The following GABRA1 variants were observed in gnomAD, a reference collection of about 807,000 sequenced individuals.
GABRA1 encodes the protein gamma-aminobutyric acid type A receptor subunit alpha1, also known as gamma-aminobutyric acid receptor subunit alpha-1.
Under a neutral mutation model 48.9 loss-of-function variants are expected in GABRA1, and 9 were observed. The ratio of observed to expected loss-of-function variants is 0.18; its 90% CI spans 0.11 to 0.32. The LOEUF is 0.32. Among genes scored for constraint, GABRA1 ranks in the 10% least tolerant of loss-of-function variants. The pLI, the probability that GABRA1 is intolerant of heterozygous loss-of-function variation, is 1.00. For synonymous variants in GABRA1, 210 were observed against 198.7 expected (o/e 1.06, Z -0.48); for missense variants, 285 against 553.8 (o/e 0.51, Z 4.87).
intron 6 of GABRA1, among the ~76,000 whole-genome samples, chr5:161,876,887 T>A (rs904300035): frequency 1.3e-5 from 2 of 152,178 alleles, no homozygotes; most frequent in African/African-American, 4.8e-5. Context: ...GTTAGGAAGA[T>A]CATACGCCGT....
chr5:161,882,597 G>C lies in GABRA1; in HGVS notation c.599G>C (p.Arg200Thr). ...GCAGAAGTTGTTTATGAATGGACCA[G>C]AGAGCCAGCACGCTCAGTGGTTGTA... is the stretch of plus-strand genomic sequence containing the variant. The part of the protein sequence containing the change: ...TRAEVVYEWT[R>T]EPARSVVVAE... Residue 200 changes from arginine to threonine, a missense_variant, in exon 7 of 10, where the codon AGA becomes ACA. Around this residue, in one of 6 missense-constraint regions of GABRA1, gnomAD observed 105 missense variants for 267.4 expected, o/e 0.39. Transcript: ENST00000393943. 6.2e-7 allele frequency: 1 copy of C among 1,613,570 alleles called. No individual in the cohort carries two copies. Among genetic ancestry groups the C allele is most frequent in the Non-Finnish European group, 8.5e-7 (1 of 1,179,664 alleles).
intron 3 of GABRA1, among the ~76,000 whole-genome samples, chr5:161,859,949 T>C (rs1051807592): frequency 1.3e-5 from 2 of 151,788 alleles, no homozygotes; most frequent in Admixed American, 6.6e-5. Context: ...CTGGAATCCT[T>C]CCTTTTGAAT....
chr5:161,876,750 G>T (rs983324709), intron 6 of GABRA1, among the ~76,000 whole-genome samples: 4 of 152,030 alleles, frequency 2.6e-5, no homozygotes, highest in Non-Finnish European at 4.4e-5. Context: ...GAACGATTAT[G>T]TTTTCTCCTG....
At chr5:161,871,953 G>T (rs1040041658) in intron 4 of GABRA1, among the ~76,000 whole-genome samples, 1 of 152,136 alleles carries the variant, frequency 6.6e-6, no homozygotes, top group African/African-American at 2.4e-5. Context: ...CCTTCACCCA[G>T]TATTGCTTAA....
intron 1 of GABRA1, chr5:161,850,260 A>T (rs929958988): frequency 1.1e-5 from 2 of 184,496 alleles, no homozygotes; most frequent in African/African-American, 4.7e-5. Flanking sequence ...TATGTTTTTA[A>T]ATAGAAATAA....
chr5:161,897,739 A>G lies in GABRA1; in HGVS notation c.*317A>G. 1 of 279,748 alleles carries G rather than the reference A, an allele frequency of 3.6e-6. No homozygotes were observed. The highest frequency in any genetic ancestry group is 6.7e-6 in the Non-Finnish European group (1 of 148,894). 17.3% of individuals were successfully genotyped at this position (279,748 alleles called of 1,614,324 possible). On this transcript the variant is annotated 3_prime_UTR_variant, in exon 10 of 10. Transcript: ENST00000393943. ...GTAGAAAAAAAAATAACACTTAACTAAAACCCCTAGGTCATTTGTAGATAT... is the reference window on the plus strand; with the variant it reads ...GTAGAAAAAAAAATAACACTTAACTGAAACCCCTAGGTCATTTGTAGATAT...
At chr5:161,885,416 C>T (rs916224587) in intron 7 of GABRA1, among the ~76,000 whole-genome samples, 3 of 152,110 alleles carry the variant, frequency 2.0e-5, no homozygotes, top group Non-Finnish European at 4.4e-5. Flanking sequence ...AGAACACACA[C>T]ATTGAGAATG....
chr5:161,867,772 AT>A (rs1196151151), intron 4 of GABRA1, among the ~76,000 whole-genome samples: 1 of 152,110 alleles, frequency 6.6e-6, no homozygotes, highest in Non-Finnish European at 1.5e-5. Context: ...TTATGAAATC[AT>A]TTTTATTAGT....
At chr5:161,849,108 T>G (rs1757339306) in intron 1 of GABRA1, 6 of 372,008 alleles carry the variant, frequency 1.6e-5, no homozygotes, top group Non-Finnish European at 2.1e-5. Context: ...AGCTTAGCCT[T>G]TCTTTTAAAC....
In GABRA1 at chr5:161,899,765, A is replaced by G. The variant is rs1755533373; in HGVS notation, c.*2343A>G. 1 of 152,194 alleles carries G rather than the reference A, an allele frequency of 6.6e-6. No homozygotes were observed. Among genetic ancestry groups the G allele is most frequent in the South Asian group, 2.1e-4 (1 of 4,838 alleles). The allele number at this position is 152,194 out of a possible 1,614,324, so 9.4% of individuals were successfully genotyped here. A position where few individuals can be genotyped will look rare whatever the true frequency, so the allele number is the denominator to read the frequency against. On this transcript the variant is annotated 3_prime_UTR_variant, in exon 10 of 10. Transcript: ENST00000393943. ...GGACAGTTCCTGTTCACTCCCAGGA[A>G]ACTTTTTTAAAAGATGACACTGAAT... is the stretch of plus-strand genomic sequence containing the variant.
intron 7 of GABRA1, among the ~76,000 whole-genome samples, chr5:161,884,228 T>A (rs958431795): frequency 3.3e-5 from 5 of 152,114 alleles, no homozygotes; most frequent in African/African-American, 9.7e-5. Context: ...ACATATTATG[T>A]TGGAAAAGAT....
chr5:161,867,372 T>C (rs746700090), intron 4 of GABRA1, among the ~76,000 whole-genome samples: 2 of 152,118 alleles, frequency 1.3e-5, no homozygotes, highest in African/African-American at 2.4e-5. Flanking sequence ...TGTCACTTGT[T>C]CCCAATATTA....
At chr5:161,891,374 A>G (rs1335326611) in intron 8 of GABRA1, among the ~76,000 whole-genome samples, 1 of 152,192 alleles carries the variant, frequency 6.6e-6, no homozygotes, top group African/African-American at 2.4e-5. Flanking sequence ...CAATATATTT[A>G]GAATATATAA....
chr5:161,866,148 A>T (rs917257960), intron 4 of GABRA1, among the ~76,000 whole-genome samples: 1 of 151,994 alleles, frequency 6.6e-6, no homozygotes, highest in Non-Finnish European at 1.5e-5. Flanking sequence ...GGCAACCAGA[A>T]CTGTTATAGA....
At chr5:161,873,987 GA>G (rs1233385321) in intron 5 of GABRA1, among the ~76,000 whole-genome samples, 2 of 151,940 alleles carry the variant, frequency 1.3e-5, no homozygotes, top group Non-Finnish European at 2.9e-5. Flanking sequence ...ATTTTATATA[GA>G]AAAAAAGAGA....
chr5:161,889,687 G>A (rs1443765220), intron 7 of GABRA1, among the ~76,000 whole-genome samples: 1 of 152,034 alleles, frequency 6.6e-6, no homozygotes, highest in Non-Finnish European at 1.5e-5. Flanking sequence ...AAGTTTGCTT[G>A]TTACTTTGTA....
At chr5:161,855,907 G>T (rs1757627034) in intron 3 of GABRA1, among the ~76,000 whole-genome samples, 2 of 151,102 alleles carry the variant, frequency 1.3e-5, no homozygotes, top group South Asian at 2.1e-4. Flanking sequence ...TAATATTTTG[G>T]CATGTAAATA....
In GABRA1 at chr5:161,850,943, T is replaced by A. The variant is rs545846244; in HGVS notation, c.74+59T>A. On this transcript the variant is annotated intron_variant, in intron 2 of 9. Coordinates refer to ENST00000393943, the MANE Select transcript of GABRA1 (RefSeq NM_001127644.2). Reference sequence around the variant, plus strand: ...TTTCTGTAACTTTTCATTTATTTTATCGGGGGAAGAAAATTGTCCTCAAAT... The same window carrying A: ...TTTCTGTAACTTTTCATTTATTTTAACGGGGGAAGAAAATTGTCCTCAAAT... 19 of 1,426,570 alleles carry A rather than the reference T, an allele frequency of 1.3e-5. No individual in the cohort carries two copies. The South Asian group carries it at 2.2e-4, about 16-fold the overall frequency. 88.4% of individuals were successfully genotyped at this position (1,426,570 alleles called of 1,614,324 possible). A position where few individuals can be genotyped will look rare whatever the true frequency, so the allele number is the denominator to read the frequency against.
rs1357540194 is a variant in GABRA1, at chr5:161,889,764, T to C, written c.704-1134T>C. Among the ~76,000 whole-genome samples, 5 of 152,104 alleles carry C rather than the reference T, an allele frequency of 3.3e-5. No homozygotes were observed. The East Asian group carries it at 9.7e-4, about 29-fold the overall frequency. On this transcript the variant is annotated intron_variant, in intron 7 of 9. Transcript: ENST00000393943. ...CTGTTTGCTACTGGCCTCTAGTAAG[T>C]AGAGTCCAGGAATGCTGCTAAACAT...
Sources: allele counts gnomAD v4.1 joint callset (sites outside exome capture counted in the v4.1 genomes callset), GRCh38; gene constraint gnomAD v4.1.1; regional missense constraint gnomAD v4.1.1; transcripts MANE v1.5; gene names NCBI Gene and HGNC (gene_info 2026-07-23, HGNC 2026-07-21).